Variants in NEO1 observed in about 807,000 individuals in gnomAD.
NEO1 encodes the protein neogenin.
In NEO1, 63 loss-of-function variants were observed where a neutral mutation model predicts 159.7. That is an observed-to-expected ratio of 0.39 (90% CI 0.32 to 0.49). NEO1 has a LOEUF of 0.49. Among genes scored for constraint, NEO1 ranks in the 20% least tolerant of loss-of-function variants. The pLI, the probability that NEO1 is intolerant of heterozygous loss-of-function variation, is 0.85. For synonymous variants in NEO1, 633 were observed against 662.0 expected, an observed-to-expected ratio of 0.96 and a Z score of 0.67; for missense variants, 1,615 against 1,831.0, an observed-to-expected ratio of 0.88 and a Z score of 2.15.
At chr15:73,167,981 CAA>C (rs964724858) in intron 5 of NEO1, among the ~76,000 whole-genome samples, 20 of 151,934 alleles carry the variant, frequency 1.3e-4, no homozygotes, top group Admixed American at 4.6e-4. Flanking sequence ...GTCAGACACT[CAA>C]GAGTGGACTT....
At chr15:73,233,397 CAA>C (rs1441429910) in intron 7 of NEO1, among the ~76,000 whole-genome samples, 1 of 151,982 alleles carries the variant, frequency 6.6e-6, no homozygotes. Flanking sequence ...TTGTGTCAAC[CAA>C]AGAGATTAAA....
chr15:73,256,973 A>C (rs895159647), intron 13 of NEO1, among the ~76,000 whole-genome samples: 3 of 151,568 alleles, frequency 2.0e-5, no homozygotes, highest in African/African-American at 4.8e-5. Context: ...AAAAAAAAAA[A>C]GTATAAAAAT....
At chr15:73,287,053 C>G (rs909721184) in intron 23 of NEO1, among the ~76,000 whole-genome samples, 6 of 152,226 alleles carry the variant, frequency 3.9e-5, no homozygotes, top group Non-Finnish European at 8.8e-5. Context: ...AAGGGAAGTT[C>G]ACACTCTTAG....
Position 73,130,545 on chromosome 15 carries a change from C to A in NEO1, c.878+3975C>A, listed in dbSNP as rs528164474. 4.6e-5 allele frequency among the ~76,000 whole-genome samples: 7 copies of A among 152,268 alleles called. No homozygotes were observed. In the South Asian group the frequency reaches 1.5e-3, roughly 32 times the overall value. On this transcript the variant is annotated intron_variant, in intron 4 of 28. Coordinates refer to ENST00000261908, the MANE Select transcript of NEO1 (RefSeq NM_002499.4). ...CAAACACCGCAGAAGAAACTGTGGC[C>A]CCACCCTACCATGCCAGTCAAAGAC...
chr15:73,268,418 T>A (rs1444509353), intron 16 of NEO1, among the ~76,000 whole-genome samples: 1 of 152,142 alleles, frequency 6.6e-6, no homozygotes, highest in Non-Finnish European at 1.5e-5. Context: ...AGAAAAAAAA[T>A]TTCTACAAGA....
intron 1 of NEO1, among the ~76,000 whole-genome samples, chr15:73,067,868 G>A (rs760403983): frequency 1.5e-4 from 23 of 151,916 alleles, no homozygotes; most frequent in African/African-American, 1.7e-4. Context: ...CACCTGTTTC[G>A]GCCTCCCAAA....
At chr15:73,219,844 T>C (rs1460867882) in intron 7 of NEO1, among the ~76,000 whole-genome samples, 1 of 149,350 alleles carries the variant, frequency 6.7e-6, no homozygotes, top group African/African-American at 2.5e-5. Context: ...GTTTCCTGAA[T>C]ACAGCACACT....
intron 5 of NEO1, chr15:73,162,868 C>A: frequency 5.5e-6 from 1 of 182,408 alleles, no homozygotes; most frequent in Non-Finnish European, 1.2e-5. Flanking sequence ...GCCTTTGGTT[C>A]ACAATGAAAA....
At position 73,288,410 on chromosome 15, in the gene NEO1, C is replaced by T. The variant is rs1179042214; in HGVS notation, c.3508C>T (p.Leu1170=). 1 of 1,614,134 alleles carries T rather than the reference C, an allele frequency of 6.2e-7. No individual in the cohort carries two copies. Among genetic ancestry groups the T allele is most frequent in the East Asian group, 2.2e-5 (1 of 44,866 alleles). ...PPDLWIHHER[L]ELKPIDKSPD... is the part of the protein sequence containing the mutation. ...AGATCTCTGGATCCATCATGAGAGACTGGAGCTGAAACCCATTGATAAGTC... is the reference window on the plus strand; with the variant it reads ...AGATCTCTGGATCCATCATGAGAGATTGGAGCTGAAACCCATTGATAAGTC... Residue 1170 remains leucine, a synonymous_variant, in exon 24 of 29, where the codon CTG becomes TTG. Transcript: ENST00000261908.
chr15:73,196,459 C>T (rs2036537120), intron 7 of NEO1, among the ~76,000 whole-genome samples: 1 of 152,192 alleles, frequency 6.6e-6, no homozygotes, highest in Non-Finnish European at 1.5e-5. Flanking sequence ...GACTTGGTTC[C>T]TTAGAGGAGA....
At chr15:73,189,575 C>T (rs1485002846) in intron 7 of NEO1, among the ~76,000 whole-genome samples, 2 of 152,198 alleles carry the variant, frequency 1.3e-5, no homozygotes, top group African/African-American at 4.8e-5. Flanking sequence ...TTTGACTGTG[C>T]ATCTTTGATA....
intron 19 of NEO1, among the ~76,000 whole-genome samples, chr15:73,273,284 A>G (rs968407670): frequency 1.3e-5 from 2 of 152,156 alleles, no homozygotes; most frequent in Non-Finnish European, 2.9e-5. Context: ...CTCTGTATGA[A>G]TAGGTGGCCT....
intron 1 of NEO1, among the ~76,000 whole-genome samples, chr15:73,110,767 A>G (rs1217419880): frequency 6.6e-6 from 1 of 152,210 alleles, no homozygotes; most frequent in African/African-American, 2.4e-5. Flanking sequence ...CTCTGGCCAT[A>G]CTAAACCAAA....
chr15:73,170,129 A>C (rs541362969), intron 5 of NEO1, among the ~76,000 whole-genome samples: 2 of 152,306 alleles, frequency 1.3e-5, no homozygotes, highest in Admixed American at 1.3e-4. Flanking sequence ...ATATGGAATT[A>C]TAATTCCATG....
At chr15:73,232,832 G>T (rs1343089901) in intron 7 of NEO1, among the ~76,000 whole-genome samples, 1 of 152,096 alleles carries the variant, frequency 6.6e-6, no homozygotes, top group Non-Finnish European at 1.5e-5. Flanking sequence ...GAGCTCTTCT[G>T]GCAACAGCAG....
chr15:73,211,709 A>G (rs1226060554), intron 7 of NEO1, among the ~76,000 whole-genome samples: 5 of 152,162 alleles, frequency 3.3e-5, no homozygotes, highest in Non-Finnish European at 5.9e-5. Flanking sequence ...GCAAGACTCC[A>G]TCTCAAAAGA....
At chr15:73,178,281 A>C (rs1182837438) in intron 6 of NEO1, 26 bp from the exon 7 acceptor site, 1 of 1,599,842 alleles carries the variant, frequency 6.3e-7, no homozygotes, top group East Asian at 2.2e-5. Context: ...AAATTATGTA[A>C]TTTTATTTAT....
chr15:73,265,939 TC>T lies in NEO1; in HGVS notation c.2399-375del, dbSNP rs375233750. 1.9e-4 allele frequency among the ~76,000 whole-genome samples: 29 copies of T among 152,362 alleles called. No homozygotes were observed. The East Asian group carries it at 5.6e-3, about 29-fold the overall frequency. On this transcript the variant is annotated intron_variant, in intron 15 of 28. Transcript: ENST00000261908. ...CCTTGTCTGTTCCCATCGCTGTCCT[TC>T]CAGGAATGAAAGGGGTTTGTTTAAT...
intron 5 of NEO1, among the ~76,000 whole-genome samples, chr15:73,174,033 A>G (rs12902966): frequency 0.64 from 96,245 of 150,994 alleles, 34,045 homozygotes; most frequent in East Asian, 0.85. Flanking sequence ...CTGTGAGGCG[A>G]AGATTGCAGT....
Sources: gnomAD v4.1 joint callset for allele counts (sites outside exome capture counted in the v4.1 genomes callset) on GRCh38, gnomAD v4.1.1 for gene constraint, MANE v1.5 for transcripts, NCBI Gene and HGNC (gene_info 2026-07-23, HGNC 2026-07-21) for gene names.